The following MAP3K20 variants were observed in gnomAD, a reference collection of about 807,000 sequenced individuals.
MAP3K20 encodes the protein mitogen-activated protein kinase kinase kinase 20, also known as HCCS-4.
Under a neutral mutation model 85.7 loss-of-function variants are expected in MAP3K20, and 40 were observed. That is an observed-to-expected ratio of 0.47 (90% CI 0.36 to 0.61). The LOEUF (loss-of-function observed/expected upper bound fraction) is 0.61, where lower values mean the gene tolerates loss of function less well. MAP3K20 is among the 20% of genes least tolerant of loss of function. The pLI, the probability that MAP3K20 is intolerant of heterozygous loss-of-function variation, is 0.00. For missense variants in MAP3K20, 817 were observed against 961.7 expected (o/e 0.85, Z 1.99); for synonymous variants, 325 against 327.7 (o/e 0.99, Z 0.09).
At chr2:173,176,398 C>T (rs531049848) in intron 3 of MAP3K20, among the ~76,000 whole-genome samples, 5 of 151,754 alleles carry the variant, frequency 3.3e-5, no homozygotes, top group Non-Finnish European at 7.4e-5. Flanking sequence ...ATTAATATAT[C>T]ACAACAATAG....
intron 2 of MAP3K20, among the ~76,000 whole-genome samples, chr2:173,164,202 C>T (rs1412398332): frequency 1.3e-5 from 2 of 152,134 alleles, no homozygotes; most frequent in African/African-American, 4.8e-5. Flanking sequence ...TTGTGATCTG[C>T]CCGCCTCGGC....
At chr2:173,204,526 G>A (rs1290595904) in intron 9 of MAP3K20, among the ~76,000 whole-genome samples, 1 of 152,208 alleles carries the variant, frequency 6.6e-6, no homozygotes, top group East Asian at 1.9e-4. Flanking sequence ...AAATTCCAAA[G>A]CTTAGGCTTT....
chr2:173,145,484 A>G (rs1689111290), intron 2 of MAP3K20, among the ~76,000 whole-genome samples: 1 of 152,230 alleles, frequency 6.6e-6, no homozygotes, highest in Admixed American at 6.5e-5. Context: ...CATCTCACAA[A>G]AAGTTATATG....
intron 2 of MAP3K20, among the ~76,000 whole-genome samples, chr2:173,157,340 A>C (rs1303923368): frequency 7.0e-6 from 1 of 143,490 alleles, no homozygotes; most frequent in Non-Finnish European, 1.5e-5. Context: ...TTTTTTTTGC[A>C]ATTAATAAAA....
At chr2:173,217,279 C>T in intron 11 of MAP3K20, 29 bp downstream of exon 11, 1 of 1,518,254 alleles carries the variant, frequency 6.6e-7, no homozygotes, top group South Asian at 1.4e-5. Flanking sequence ...CGCCGTCTTT[C>T]CACATGCGGC....
intron 3 of MAP3K20, among the ~76,000 whole-genome samples, chr2:173,173,456 G>C (rs1037410579): frequency 3.3e-5 from 5 of 152,106 alleles, no homozygotes; most frequent in African/African-American, 7.2e-5. Flanking sequence ...CCTGTTCTGC[G>C]TTAGCCTCTA....
At chr2:173,208,234 ATAAAAAAC>A (rs2106300576) in intron 9 of MAP3K20, among the ~76,000 whole-genome samples, 1 of 152,058 alleles carries the variant, frequency 6.6e-6, no homozygotes, top group South Asian at 2.1e-4. Context: ...ACCCCTCTGT[ATAAAAAAC>A]TAAAAAATTA....
intron 1 of MAP3K20, chr2:173,090,735 AGGTTTTGTCT>A: frequency 9.5e-7 from 1 of 1,051,194 alleles, no homozygotes. Flanking sequence ...GTGCTGCTGC[AGGTTTTGTCT>A]GGGGGATATC....
intron 2 of MAP3K20, among the ~76,000 whole-genome samples, chr2:173,149,954 AG>A (rs1559253254): frequency 1.3e-5 from 2 of 152,196 alleles, no homozygotes; most frequent in East Asian, 3.8e-4. Context: ...TCATTTAGGG[AG>A]TGTATAGAGA....
rs372922092 is a variant in MAP3K20 at position 173,230,511 on chromosome 2, G to A, written c.1032+778G>A. 2.1e-3 allele frequency among the ~76,000 whole-genome samples: 316 copies of A among 152,238 alleles called. 6 individuals carry two copies. The South Asian group carries it at 0.056, about 27-fold the overall frequency. On this transcript the variant is annotated intron_variant, in intron 12 of 19. Transcript: ENST00000375213. ...CCCAAGTGGGAATAGACACAAGCAC[G>A]CCCAGACATTCTCTGTAGCTTTAGC...
rs560843868 is a variant in MAP3K20 at position 173,210,861 on chromosome 2, G to A, written c.851+1026G>A. On this transcript the variant is annotated intron_variant, in intron 10 of 19. Transcript: ENST00000375213. Reference sequence around the variant, plus strand: ...TACTCCTGTTACTAGATACTTCTTTGGGCTTTCTGTTTGTTGTTTTACAAT... The same window carrying A: ...TACTCCTGTTACTAGATACTTCTTTAGGCTTTCTGTTTGTTGTTTTACAAT... The A allele has an allele frequency of 9.9e-5, 15 of 152,022 alleles. No individual in the cohort carries two copies. The South Asian group carries it at 3.1e-3, about 32-fold the overall frequency. The allele number at this position is 152,022 out of a possible 1,614,324, so 9.4% of individuals were successfully genotyped here.
At chr2:173,142,754 CGAAT>C (rs1479548843) in intron 2 of MAP3K20, among the ~76,000 whole-genome samples, 4 of 151,954 alleles carry the variant, frequency 2.6e-5, no homozygotes, top group Non-Finnish European at 5.9e-5. Flanking sequence ...ACAAATAGAA[CGAAT>C]TTTTAAAAAC....
chr2:173,107,051 G>A lies in MAP3K20; in HGVS notation c.159+15861G>A, dbSNP rs376823496. Among the ~76,000 whole-genome samples the A allele has an allele frequency of 5.3e-5, 8 of 152,270 alleles. No homozygotes were observed. The East Asian group carries it at 7.7e-4, about 15-fold the overall frequency. ...CCACATCCAGACAGGAATAGTAATCGGACAAAGTGACAGTGAGCTGGGGCT... is the reference window on the plus strand; with the variant it reads ...CCACATCCAGACAGGAATAGTAATCAGACAAAGTGACAGTGAGCTGGGGCT... On this transcript the variant is annotated intron_variant, in intron 2 of 19. Transcript: ENST00000375213.
chr2:173,075,689 G>A, upstream of MAP3K20: 1 of 966,426 alleles, frequency 1.0e-6, no homozygotes, highest in Non-Finnish European at 1.2e-6. Flanking sequence ...GGGGGCCTCG[G>A]CGGGTGCCGG....
rs1486546658 is a variant in MAP3K20, at chr2:173,217,138, A to G, written c.875A>G (p.Glu292Gly). 6 of 1,582,758 alleles carry G rather than the reference A, an allele frequency of 3.8e-6. No homozygotes were observed. The South Asian group carries it at 4.7e-5, about 12-fold the overall frequency. ...EWRCEIEATL[E>G]RLKKLERDLS... Reference sequence around the variant, plus strand: ...AGGTGCGAAATTGAGGCAACTCTTGAGAGGCTAAAGAAACTAGAGCGTGAT... The same window carrying G: ...AGGTGCGAAATTGAGGCAACTCTTGGGAGGCTAAAGAAACTAGAGCGTGAT... Residue 292 changes from glutamate (E) to glycine (G), a missense_variant, in exon 11 of 20, where the codon GAG becomes GGG. By Grantham distance (98) the Glu-to-Gly change is moderately conservative. Coordinates refer to ENST00000375213, the MANE Select transcript of MAP3K20 (RefSeq NM_016653.3).
chr2:173,217,298 G>A, intron 11 of MAP3K20, 48 bp downstream of exon 11: 4 of 1,432,318 alleles, frequency 2.8e-6, no homozygotes, highest in South Asian at 3.5e-5. Flanking sequence ...GCTCTAGGCT[G>A]CGCAGCTGAG....
intron 2 of MAP3K20, among the ~76,000 whole-genome samples, chr2:173,105,869 C>T (rs572675283): frequency 2.0e-5 from 3 of 152,196 alleles, no homozygotes; most frequent in East Asian, 3.9e-4. Flanking sequence ...GTGTAATTAA[C>T]GCCCCTGAAT....
intron 5 of MAP3K20, among the ~76,000 whole-genome samples, chr2:173,188,319 G>A (rs1690550859): frequency 6.6e-6 from 1 of 152,152 alleles, no homozygotes; most frequent in Non-Finnish European, 1.5e-5. Context: ...AGAGTTATCT[G>A]AGAAAGGCAG....
At chr2:173,125,363 CAGCTTTTT>C (rs1324833108) in intron 2 of MAP3K20, among the ~76,000 whole-genome samples, 2 of 152,188 alleles carry the variant, frequency 1.3e-5, no homozygotes, top group East Asian at 3.9e-4. Flanking sequence ...TATTGTTTTA[CAGCTTTTT>C]AGCTTGGTGA....
Sources: gnomAD v4.1 joint callset for allele counts (sites outside exome capture counted in the v4.1 genomes callset) on GRCh38, gnomAD v4.1.1 for gene constraint, MANE v1.5 for transcripts, NCBI Gene and HGNC (gene_info 2026-07-23, HGNC 2026-07-21) for gene names.